Variants in TERF1 observed in about 807,000 individuals in gnomAD.
TERF1 encodes telomeric repeat binding factor 1, also known as telomeric repeat-binding factor 1.
A neutral mutation model predicts 55.1 loss-of-function variants in TERF1; 20 were observed. That is an observed-to-expected ratio of 0.36 (90% CI 0.26 to 0.53). The LOEUF (loss-of-function observed/expected upper bound fraction) is 0.53. Ranked by LOEUF, TERF1 falls within the 20% of genes least tolerant of loss-of-function variation. The probability of loss-of-function intolerance (pLI) is 0.91; values close to 1 mark genes in which losing one functional copy is unlikely to be tolerated. For synonymous variants in TERF1, 168 were observed against 181.2 expected (o/e 0.93, Z 0.59); for missense variants, 439 against 535.7 (o/e 0.82, Z 1.78).
intron 8 of TERF1, among the ~76,000 whole-genome samples, chr8:73,037,673 T>A (rs1298648311): frequency 1.3e-5 from 1 of 74,768 alleles, no homozygotes; most frequent in African/African-American, 6.0e-5. Context: ...TAATATTATA[T>A]TATATATAAT....
Position 73,008,983 on chromosome 8 carries a change from A to G in TERF1, c.97A>G (p.Arg33Gly), listed in dbSNP as rs1212424094. ...PTEEQMAETE[R>G]NDEEQFECQE... is the part of the protein sequence containing the mutation. ...TGAGGAGCAGATGGCAGAAACAGAG[A>G]GAAACGACGAGGAGCAGTTCGAATG... The change falls in exon 1 of 10, where the codon AGA becomes GGA. Residue 33 changes from arginine to glycine, a missense_variant. By Grantham distance (125) the Arg-to-Gly change is moderately radical. Around this residue, in one of 4 missense-constraint regions of TERF1, gnomAD observed 179 missense variants for 152.6 expected, o/e 1.17. Transcript: ENST00000276603. The G allele has an allele frequency of 2.5e-6, 4 of 1,612,668 alleles. No homozygotes were observed. Among genetic ancestry groups the G allele is most frequent in the Non-Finnish European group, 3.4e-6 (4 of 1,179,716 alleles).
intron 2 of TERF1, among the ~76,000 whole-genome samples, chr8:73,016,794 A>G (rs1295230225): frequency 6.6e-6 from 1 of 152,126 alleles, no homozygotes; most frequent in Non-Finnish European, 1.5e-5. Flanking sequence ...CAGTTTCTCT[A>G]GTTTCCAGTC....
In TERF1 at chr8:73,025,754, CAAAAAAAAAA is replaced by C. The variant is rs35028162; in HGVS notation, c.774+800_774+809del. 4.4e-3 allele frequency among the ~76,000 whole-genome samples: 207 copies of C among 47,268 alleles called. 2 individuals carry two copies. Among genetic ancestry groups the C allele is most frequent in the African/African-American group, 0.015 (202 of 13,076 alleles). 31.0% of individuals were successfully genotyped at this position (47,268 alleles called of 152,430 possible). On this transcript the variant is annotated intron_variant, in intron 5 of 9. Coordinates refer to ENST00000276603, the MANE Select transcript of TERF1 (RefSeq NM_017489.3). ...CCTGGGCGACAGTGAGACTCTGTCTCAAAAAAAAAAAAAAAAAAAAAAAAAAGCTGGGCAT... is the reference window on the plus strand; with the variant it reads ...CCTGGGCGACAGTGAGACTCTGTCTCAAAAAAAAAAAAAAAAGCTGGGCAT...
intron 8 of TERF1, among the ~76,000 whole-genome samples, chr8:73,037,820 A>G (rs1363928660): frequency 9.6e-6 from 1 of 104,230 alleles, no homozygotes; most frequent in Admixed American, 1.5e-4. Flanking sequence ...TATTATATAT[A>G]ATATATAGTA....
chr8:73,040,989 C>T (rs1809810387), intron 9 of TERF1, among the ~76,000 whole-genome samples: 1 of 152,140 alleles, frequency 6.6e-6, no homozygotes, highest in Non-Finnish European at 1.5e-5. Context: ...ATTTACCCAT[C>T]TGTTCTTGCA....
chr8:73,046,135 T>C lies in TERF1; in HGVS notation c.1318T>C (p.Ter440ArgextTer4). The change falls in exon 10 of 10, where the codon TGA becomes CGA. Residue 440 changes from the stop codon to arginine (R), a stop_lost. Coordinates refer to ENST00000276603, the MANE Select transcript of TERF1 (RefSeq NM_017489.3). ...LKLISSDSED* is the reference protein window; with the variant it reads ...LKLISSDSEDR ...ACTGATTTCCTCAGACAGCGAAGAC[T>C]GATTGTGTTTGTAAAAGCTTGATGA... 8.3e-6 allele frequency: 13 copies of C among 1,571,576 alleles called. No homozygotes were observed. The highest frequency in any genetic ancestry group is 1.1e-5 in the Non-Finnish European group (13 of 1,162,748).
chr8:73,030,497 G>T (rs1441220064), intron 7 of TERF1, 102 bp downstream of exon 7: 43 of 722,732 alleles, frequency 5.9e-5, no homozygotes, highest in East Asian at 1.8e-4. Context: ...ACAATTGAAA[G>T]AATATCTCAG....
chr8:73,012,707 G>C (rs1808333293), intron 1 of TERF1: 1 of 262,820 alleles, frequency 3.8e-6, no homozygotes, highest in Non-Finnish European at 7.8e-6. Flanking sequence ...CTTGGCTCAA[G>C]CTGGGCTGCG....
intron 8 of TERF1, among the ~76,000 whole-genome samples, chr8:73,032,680 A>G (rs148918908): frequency 1.3e-5 from 2 of 152,252 alleles, no homozygotes; most frequent in East Asian, 3.9e-4. Flanking sequence ...TCCCCCTTGT[A>G]AAGCAATCCG....
chr8:73,033,467 C>G (rs113379506), intron 8 of TERF1, among the ~76,000 whole-genome samples: 1 of 152,162 alleles, frequency 6.6e-6, no homozygotes, highest in Non-Finnish European at 1.5e-5. Context: ...CAGTGGCTCA[C>G]GCCTATAGTC....
chr8:73,012,636 CACTCCAGCCTGGGCG>C, intron 1 of TERF1: 1 of 213,184 alleles, frequency 4.7e-6, no homozygotes, highest in Non-Finnish European at 9.8e-6. Context: ...TGCACCATTG[CACTCCAGCCTGGGCG>C]ACAGAGCGTG....
intron 9 of TERF1, among the ~76,000 whole-genome samples, chr8:73,045,155 A>T (rs540489657): frequency 2.8e-4 from 42 of 152,304 alleles, no homozygotes; most frequent in Admixed American, 2.5e-3. Flanking sequence ...TAGTGCACAC[A>T]GGTTCCAATT....
chr8:73,012,826 A>G (rs993029871), intron 1 of TERF1: 35 of 433,848 alleles, frequency 8.1e-5, no homozygotes, highest in Middle Eastern at 6.9e-4. Context: ...AGTTACTTAC[A>G]TAACTTTTTG....
At chr8:73,041,391 G>C (rs1406896626) in intron 9 of TERF1, among the ~76,000 whole-genome samples, 1 of 152,080 alleles carries the variant, frequency 6.6e-6, no homozygotes, top group Non-Finnish European at 1.5e-5. Context: ...TAACGCCCAG[G>C]ATCCTGACTA....
chr8:73,032,174 G>A, intron 8 of TERF1, 41 bp downstream of exon 8: 2 of 1,428,738 alleles, frequency 1.4e-6, no homozygotes, highest in Non-Finnish European at 1.9e-6. Flanking sequence ...GAGAATTGAT[G>A]TGTCCTCAAA....
At position 73,046,483 on chromosome 8, in the gene TERF1, G is replaced by A. The variant is rs10112752; in HGVS notation, c.*346G>A. 0.38 allele frequency: 59,831 copies of A among 157,108 alleles called. 12,058 individuals are homozygous for A. The highest frequency in any genetic ancestry group is 0.44 in the Middle Eastern group (136 of 306). 9.7% of individuals were successfully genotyped at this position (157,108 alleles called of 1,614,324 possible). A position where few individuals can be genotyped will look rare whatever the true frequency, so the allele number is the denominator to read the frequency against. ...TGTAGGCTGACCTCAACCCTGTAAC[G>A]TAACCCATTAAAATGAATTTCTTTT... On this transcript the variant is annotated 3_prime_UTR_variant, in exon 10 of 10. Coordinates refer to ENST00000276603, the MANE Select transcript of TERF1 (RefSeq NM_017489.3).
chr8:73,046,116 T>A lies in TERF1; in HGVS notation c.1299T>A (p.Ile433=), dbSNP rs749578855. Residue 433 remains isoleucine (I), a synonymous_variant, in exon 10 of 10, where the codon ATT becomes ATA. Transcript: ENST00000276603. The stretch of plus-strand genomic sequence containing the variant: ...GGACCATGAAGAAACTAAAACTGAT[T>A]TCCTCAGACAGCGAAGACTGATTGT... ...RWRTMKKLKL[I]SSDSED is the part of the protein sequence containing the mutation. The A allele has an allele frequency of 1.3e-6, 2 of 1,598,236 alleles. No individual in the cohort carries two copies. The highest frequency in any genetic ancestry group is 1.7e-6 in the Non-Finnish European group (2 of 1,174,654).
chr8:73,009,097 G>C lies in TERF1; in HGVS notation c.211G>C (p.Glu71Gln), dbSNP rs749350509. Reference protein sequence around the residue: ...EEDAGLVAEAEAVAAGWMLDF... With the variant: ...EEDAGLVAEAQAVAAGWMLDF... ...GGACGCGGGCCTGGTGGCCGAGGCC[G>C]AGGCCGTGGCTGCCGGCTGGATGCT... The change falls in exon 1 of 10, where the codon GAG (glutamate) becomes CAG (glutamine). Residue 71 changes from glutamate (E) to glutamine (Q), a missense_variant. Glu to Gln is a conservative substitution (Grantham distance 29, BLOSUM62 2). Transcript: ENST00000276603. 1.1e-5 allele frequency: 17 copies of C among 1,610,172 alleles called. No homozygotes were observed. The highest frequency in any genetic ancestry group is 1.4e-5 in the Non-Finnish European group (16 of 1,179,138).
chr8:73,020,926 A>G (rs1340802685), intron 3 of TERF1, 121 bp downstream of exon 3: 3 of 709,486 alleles, frequency 4.2e-6, no homozygotes, highest in Non-Finnish European at 6.8e-6. Flanking sequence ...CTCTTCAGAA[A>G]TTTGACCTTT....
Sources: allele counts gnomAD v4.1 joint callset (sites outside exome capture counted in the v4.1 genomes callset), GRCh38; gene constraint gnomAD v4.1.1; regional missense constraint gnomAD v4.1.1; transcripts MANE v1.5; gene names NCBI Gene and HGNC (gene_info 2026-07-23, HGNC 2026-07-21).